The following MYO9B variants were observed in gnomAD, a reference collection of about 807,000 sequenced individuals.
MYO9B encodes the protein myosin IXB.
MYO9B carries 71 observed loss-of-function variants against 229.5 expected under a neutral mutation model. The ratio of observed to expected loss-of-function variants is 0.31; its 90% CI spans 0.26 to 0.38. The LOEUF is 0.38. Ranked by LOEUF, MYO9B falls within the 10% of genes least tolerant of loss-of-function variation. The pLI, the probability that MYO9B is intolerant of heterozygous loss-of-function variation, is 1.00. For missense variants in MYO9B, 2,255 were observed against 2,920.5 expected (o/e 0.77, Z 5.25); for synonymous variants, 1,185 against 1,235.8 (o/e 0.96, Z 0.86).
chr19:17,134,381 GTTTTTTTT>G (rs869297825), intron 2 of MYO9B, among the ~76,000 whole-genome samples: 7 of 46,472 alleles, frequency 1.5e-4, no homozygotes, highest in Admixed American at 1.3e-3. Context: ...CGTTTTGTTT[GTTTTTTTT>G]TTTTTTTTTT....
intron 1 of MYO9B, among the ~76,000 whole-genome samples, chr19:17,097,280 C>T (rs2057702228): frequency 6.6e-6 from 1 of 151,044 alleles, no homozygotes; most frequent in South Asian, 2.1e-4. Context: ...AAGATCACAG[C>T]ACTGTGCTCT....
chr19:17,213,122 G>T lies in MYO9B; in HGVS notation c.*812G>T, dbSNP rs1042841067. On this transcript the variant is annotated 3_prime_UTR_variant, in exon 40 of 40. Transcript: ENST00000682292. ...ACTGCTCACGGGTCAGGAGGGCAAC[G>T]CCTGAAGTCAGACCTCCCTATAGGT... The T allele has an allele frequency of 2.6e-5, 4 of 152,272 alleles. No individual in the cohort carries two copies. Among genetic ancestry groups the T allele is most frequent in the Non-Finnish European group, 4.4e-5 (3 of 68,068 alleles). The allele number at this position is 152,272 out of a possible 1,614,324, so 9.4% of individuals were successfully genotyped here.
chr19:17,097,339 A>C (rs1474319577), intron 1 of MYO9B, among the ~76,000 whole-genome samples: 2 of 151,832 alleles, frequency 1.3e-5, no homozygotes, highest in Non-Finnish European at 2.9e-5. Context: ...TAAAAAAAAA[A>C]AAACAGCATC....
chr19:17,114,045 T>C (rs980404639), intron 2 of MYO9B, among the ~76,000 whole-genome samples: 12 of 152,112 alleles, frequency 7.9e-5, no homozygotes, highest in Non-Finnish European at 1.3e-4. Flanking sequence ...TCCTGATCCC[T>C]GCCCACTAGT....
intron 1 of MYO9B, among the ~76,000 whole-genome samples, chr19:17,094,084 G>A (rs911213606): frequency 7.3e-6 from 1 of 136,964 alleles, no homozygotes; most frequent in Non-Finnish European, 1.6e-5. Flanking sequence ...TCCCCGGGCT[G>A]GAGTGCAATG....
At chr19:17,121,054 C>T (rs2057958957) in intron 2 of MYO9B, among the ~76,000 whole-genome samples, 3 of 152,164 alleles carry the variant, frequency 2.0e-5, no homozygotes, top group Non-Finnish European at 4.4e-5. Context: ...GCGATCCTCC[C>T]ACCTTAGCCT....
At chr19:17,149,236 C>G (rs1390402275) in intron 3 of MYO9B, among the ~76,000 whole-genome samples, 1 of 152,178 alleles carries the variant, frequency 6.6e-6, no homozygotes, top group African/African-American at 2.4e-5. Context: ...CCTTGGCCCC[C>G]CAAAGCTCTG....
intron 15 of MYO9B, among the ~76,000 whole-genome samples, chr19:17,183,291 AT>A (rs1272997606): frequency 6.6e-6 from 1 of 151,946 alleles, no homozygotes; most frequent in Non-Finnish European, 1.5e-5. Context: ...CATTTTGGTT[AT>A]TTTGCAGGGC....
intron 4 of MYO9B, 58 bp from the exon 5 acceptor site, chr19:17,153,909 G>T: frequency 7.8e-7 from 1 of 1,279,388 alleles, no homozygotes; most frequent in South Asian, 1.2e-5. Context: ...GTGGTTCGCA[G>T]AGTAGCTATT....
intron 11 of MYO9B, among the ~76,000 whole-genome samples, chr19:17,171,320 T>C (rs1206431320): frequency 2.0e-5 from 3 of 152,128 alleles, no homozygotes; most frequent in South Asian, 4.1e-4. Context: ...GAGTCCCTTA[T>C]TCTGCCCCCA....
chr19:17,105,356 G>A (rs368530766), intron 2 of MYO9B, among the ~76,000 whole-genome samples: 26 of 150,784 alleles, frequency 1.7e-4, no homozygotes, highest in Admixed American at 5.3e-4. Context: ...TTAGCCAGGT[G>A]TGGTGGTGTT....
intron 35 of MYO9B, 141 bp from the exon 36 acceptor site, chr19:17,209,445 G>A: frequency 2.5e-6 from 2 of 812,546 alleles, no homozygotes; most frequent in Non-Finnish European, 1.9e-6. Context: ...CTGCATGGGA[G>A]CTGGCACAGC....
In MYO9B at chr19:17,159,866, G is replaced by A. The variant is rs151119024; in HGVS notation, c.1419+382G>A. ...GCTTTGGAGCCATAGCAGCTAAGCA[G>A]AGCAGTTGCAACAGAGAACATCAGG... is the stretch of plus-strand genomic sequence containing the variant. On this transcript the variant is annotated intron_variant, in intron 8 of 39. Coordinates refer to ENST00000682292, the MANE Select transcript of MYO9B (RefSeq NM_004145.4). Among the ~76,000 whole-genome samples the A allele has an allele frequency of 4.6e-5, 7 of 152,364 alleles. No individual in the cohort carries two copies. The East Asian group carries it at 1.3e-3, about 29-fold the overall frequency.
chr19:17,203,348 C>T, intron 30 of MYO9B, 90 bp downstream of exon 30: 2 of 977,366 alleles, frequency 2.0e-6, no homozygotes, highest in Non-Finnish European at 3.1e-6. Flanking sequence ...GGCGGGGTGG[C>T]TCACACCTGT....
intron 3 of MYO9B, 182 bp from the exon 4 acceptor site, chr19:17,152,462 C>T: frequency 2.0e-6 from 1 of 506,370 alleles, no homozygotes; most frequent in Non-Finnish European, 3.5e-6. Flanking sequence ...ACTGTGGGGG[C>T]CGAGGCAAGA....
rs1436255021 is a variant in MYO9B, at chr19:17,202,307, G to A, written c.4836+4G>A. ...GAACGACTTCGAGCCAGTGAAGGTG[G>A]GCAGCCCAGCATGCCACGCCCACCT... is the stretch of plus-strand genomic sequence containing the variant. On this transcript the variant is annotated splice_donor_region_variant and intron_variant, in intron 28 of 39. Transcript: ENST00000682292. 11 of 1,557,234 alleles carry A rather than the reference G, an allele frequency of 7.1e-6. No individual in the cohort carries two copies. The highest frequency in any genetic ancestry group is 1.4e-5 in the African/African-American group (1 of 73,308).
chr19:17,141,209 T>G (rs959347168), intron 2 of MYO9B, among the ~76,000 whole-genome samples: 1 of 152,016 alleles, frequency 6.6e-6, no homozygotes, highest in Non-Finnish European at 1.5e-5. Flanking sequence ...TGTCTCTCTG[T>G]GTCATTGTGT....
At position 17,110,452 on chromosome 19, in the gene MYO9B, C is replaced by G. The variant is rs1045283450; in HGVS notation, c.840+7895C>G. Among the ~76,000 whole-genome samples, 6 of 152,184 alleles carry G rather than the reference C, an allele frequency of 3.9e-5. No homozygotes were observed. In the South Asian group the frequency reaches 8.3e-4, roughly 21 times the overall value. On this transcript the variant is annotated intron_variant, in intron 2 of 39. Coordinates refer to ENST00000682292, the MANE Select transcript of MYO9B (RefSeq NM_004145.4). ...TCGGCCATGGGGTCTCGCCGCAAAG[C>G]ACACCCAGAACACGCTCCTCTCCCT...
chr19:17,190,136 T>C (rs952751591), intron 19 of MYO9B, among the ~76,000 whole-genome samples: 1 of 151,616 alleles, frequency 6.6e-6, no homozygotes, highest in African/African-American at 2.4e-5. Flanking sequence ...CCTAGCACTT[T>C]GGGTCACGTG....
Sources: gnomAD v4.1 joint callset for allele counts (sites outside exome capture counted in the v4.1 genomes callset) on GRCh38, gnomAD v4.1.1 for gene constraint, MANE v1.5 for transcripts, NCBI Gene and HGNC (gene_info 2026-07-23, HGNC 2026-07-21) for gene names.